The following PCDHGA1 variants were observed in gnomAD, a reference collection of about 807,000 sequenced individuals.
PCDHGA1 encodes protocadherin gamma-A1.
A neutral mutation model predicts 58.0 loss-of-function variants in PCDHGA1; 32 were observed. The observed-to-expected ratio is 0.55, with a 90% confidence interval of 0.42 to 0.74. The LOEUF (loss-of-function observed/expected upper bound fraction) is 0.74. Among genes scored for constraint, PCDHGA1 ranks in the 30% least tolerant of loss-of-function variants. The probability of loss-of-function intolerance (pLI) is 0.00; values close to 1 mark genes in which losing one functional copy is unlikely to be tolerated. For synonymous variants in PCDHGA1, 498 were observed against 501.1 expected, an observed-to-expected ratio of 0.99 and a Z score of 0.08; for missense variants, 1,205 against 1,182.3, an observed-to-expected ratio of 1.02 and a Z score of -0.28.
At chr5:141,385,474 T>G (rs554098554) in intron 1 of PCDHGA1, 33 of 1,436,526 alleles carry the variant, frequency 2.3e-5, no homozygotes, top group Non-Finnish European at 2.7e-5. Context: ...GGTGACACTT[T>G]AATATAGAAC....
rs1156915249 is a variant in PCDHGA1, at chr5:141,426,840, G to C, written c.2422-67967G>C. 8.8e-6 allele frequency: 4 copies of C among 456,584 alleles called. No individual in the cohort carries two copies. In the East Asian group the frequency reaches 2.8e-4, roughly 32 times the overall value. The allele number at this position is 456,584 out of a possible 1,614,324, so 28.3% of individuals were successfully genotyped here. A position where few individuals can be genotyped will look rare whatever the true frequency, so the allele number is the denominator to read the frequency against. On this transcript the variant is annotated intron_variant, in intron 1 of 3. Transcript: ENST00000517417. Reference sequence around the variant, plus strand: ...CTCTCTGATGATGGACAAGACTAAAGGCAAGAACGCTCCAGAATTAGTGCT... The same window carrying C: ...CTCTCTGATGATGGACAAGACTAAACGCAAGAACGCTCCAGAATTAGTGCT...
At chr5:141,394,378 A>G (rs373024642) in intron 1 of PCDHGA1, 91 of 1,614,090 alleles carry the variant, frequency 5.6e-5, no homozygotes, top group Non-Finnish European at 6.9e-5. Flanking sequence ...TCTTTCGACT[A>G]TGAGCAGATC....
chr5:141,433,090 C>T, intron 1 of PCDHGA1: 2 of 1,614,210 alleles, frequency 1.2e-6, no homozygotes, highest in Non-Finnish European at 1.7e-6. Flanking sequence ...ACTATGCAGA[C>T]ATGCTCGTCA....
chr5:141,490,933 C>T lies in PCDHGA1; in HGVS notation c.2422-3874C>T, dbSNP rs781291690. ...CGAGAATGATAATGCCCCAGCTGTG[C>T]TGCACCCACGGCCAGACTGGGAACA... On this transcript the variant is annotated intron_variant, in intron 1 of 3. Transcript: ENST00000517417. The surrounding 1 kb of genome is among the most constrained non-coding windows in gnomAD (Gnocchi z 5.4). 5.0e-6 allele frequency: 8 copies of T among 1,613,702 alleles called. No individual in the cohort carries two copies. The highest frequency in any genetic ancestry group is 5.9e-6 in the Non-Finnish European group (7 of 1,179,770).
chr5:141,351,803 G>C, intron 1 of PCDHGA1: 1 of 1,613,322 alleles, frequency 6.2e-7, no homozygotes, highest in East Asian at 2.2e-5. Context: ...CGCGCAGCGC[G>C]CCTTCGACCA....
chr5:141,352,189 TG>T (rs1341737316), intron 1 of PCDHGA1: 2 of 1,613,696 alleles, frequency 1.2e-6, no homozygotes, highest in African/African-American at 2.7e-5. Flanking sequence ...TCGCTGTGCG[TG>T]ATGGAGGACA....
At chr5:141,480,414 C>CA (rs10712552) in intron 1 of PCDHGA1, among the ~76,000 whole-genome samples, 44 of 147,474 alleles carry the variant, frequency 3.0e-4, no homozygotes, top group Non-Finnish European at 4.4e-4. Context: ...GACCCTGTCT[C>CA]AAAAAAAAAA....
intron 1 of PCDHGA1, chr5:141,409,182 T>C: frequency 6.2e-7 from 1 of 1,614,006 alleles, no homozygotes; most frequent in East Asian, 2.2e-5. Context: ...GGAGGTGGTC[T>C]CTCTACCCAG....
At chr5:141,495,960 C>G (rs1380397345) in intron 2 of PCDHGA1, among the ~76,000 whole-genome samples, 2 of 151,998 alleles carry the variant, frequency 1.3e-5, no homozygotes, top group East Asian at 3.9e-4. Context: ...CTTTTTCTGC[C>G]TCTTTCTCTG....
chr5:141,374,116 C>G (rs1328761924), intron 1 of PCDHGA1: 9 of 1,580,694 alleles, frequency 5.7e-6, no homozygotes, highest in Non-Finnish European at 8.6e-7. Context: ...CGCAGCGCAG[C>G]GAGCAGGTCC....
At chr5:141,421,774 C>G (rs767599830) in intron 1 of PCDHGA1, 27 of 1,613,772 alleles carry the variant, frequency 1.7e-5, no homozygotes, top group Middle Eastern at 1.6e-4. Context: ...TTCCTTGCAA[C>G]TGCGGGGCAG....
At chr5:141,350,262 T>C (rs539867344) in intron 1 of PCDHGA1, 3 of 1,510,436 alleles carry the variant, frequency 2.0e-6, no homozygotes, top group Admixed American at 2.3e-5. Context: ...GTTCCTGAAA[T>C]GCAGAGAGCC....
rs201538255 is a variant in PCDHGA1 at position 141,476,796 on chromosome 5, G to A, written c.2422-18011G>A. 10 of 1,613,584 alleles carry A rather than the reference G, an allele frequency of 6.2e-6. No individual in the cohort carries two copies. In the East Asian group the frequency reaches 2.2e-4, roughly 36 times the overall value. On this transcript the variant is annotated intron_variant, in intron 1 of 3. Transcript: ENST00000517417. This position sits in a 1 kb window ranked among gnomAD's most constrained non-coding sequence, Gnocchi z 7.6. Reference sequence around the variant, plus strand: ...GGAGGGACCCCAGCTCTCTCCGCCAGCCTGCCTATTCACATCAAGGTGCTG... The same window carrying A: ...GGAGGGACCCCAGCTCTCTCCGCCAACCTGCCTATTCACATCAAGGTGCTG...
At chr5:141,450,679 G>A (rs2098690217) in intron 1 of PCDHGA1, among the ~76,000 whole-genome samples, 2 of 151,914 alleles carry the variant, frequency 1.3e-5, no homozygotes, top group Non-Finnish European at 2.9e-5. Context: ...TAGAAACGGG[G>A]TTTTGCCATG....
chr5:141,503,777 G>A (rs2099830497), intron 2 of PCDHGA1, among the ~76,000 whole-genome samples: 1 of 152,074 alleles, frequency 6.6e-6, no homozygotes, highest in South Asian at 2.1e-4. Context: ...TCTGTTCTTA[G>A]GCTGAGTTCA....
chr5:141,350,246 C>T lies in PCDHGA1; in HGVS notation c.2421+17141C>T, dbSNP rs146299808. On this transcript the variant is annotated intron_variant, in intron 1 of 3. Transcript: ENST00000517417. ...AACATCCCAGAGGAAAGAAGCTCCGCGGAGAGTTCCTGAAATGCAGAGAGC... is the reference window on the plus strand; with the variant it reads ...AACATCCCAGAGGAAAGAAGCTCCGTGGAGAGTTCCTGAAATGCAGAGAGC... 2.7e-6 allele frequency: 4 copies of T among 1,505,942 alleles called. No homozygotes were observed. The South Asian group carries it at 4.2e-5, about 16-fold the overall frequency. The allele number at this position is 1,505,942 out of a possible 1,614,324, so 93.3% of individuals were successfully genotyped here.
At chr5:141,351,198 T>G (rs2149761411) in intron 1 of PCDHGA1, 1 of 1,614,050 alleles carries the variant, frequency 6.2e-7, no homozygotes, top group Middle Eastern at 1.6e-4. Flanking sequence ...AGATATGTGT[T>G]GAGTGTGGAA....
chr5:141,421,709 C>T, intron 1 of PCDHGA1: 1 of 1,613,926 alleles, frequency 6.2e-7, no homozygotes, highest in Non-Finnish European at 8.5e-7. Flanking sequence ...GCTAGGGATC[C>T]AGATGTGGGC....
chr5:141,332,073 A>G lies in PCDHGA1; in HGVS notation c.1389A>G (p.Glu463=), dbSNP rs772962188. The change falls in exon 1 of 4, where the codon GAA becomes GAG. Residue 463 remains glutamate (E), a synonymous_variant. Transcript: ENST00000517417. This position sits in a 1 kb window ranked among gnomAD's most constrained non-coding sequence, Gnocchi z 4.6. ...HQDSYSAYIP[E]NNPRGASIFS... is the part of the protein sequence containing the mutation. ...ACTCCTACTCTGCCTACATTCCCGA[A>G]AACAACCCCAGAGGAGCCTCCATCT... 6.2e-7 allele frequency: 1 copy of G among 1,614,048 alleles called. No homozygotes were observed. The highest frequency in any genetic ancestry group is 1.1e-5 in the South Asian group (1 of 91,054).
Sources: gnomAD v4.1 joint callset for allele counts (sites outside exome capture counted in the v4.1 genomes callset) on GRCh38, gnomAD v4.1.1 for gene constraint, Gnocchi (gnomAD v3.1) non-coding constraint, MANE v1.5 for transcripts, NCBI Gene and HGNC (gene_info 2026-07-23, HGNC 2026-07-21) for gene names.